ABHD16A: variants seen among roughly 807,000 people sequenced by gnomAD.
The protein encoded by ABHD16A is abhydrolase domain containing 16A, phospholipase, also known as phosphatidylserine lipase ABHD16A.
A neutral mutation model predicts 89.8 loss-of-function variants in ABHD16A; 47 were observed. The observed-to-expected ratio is 0.52, with a 90% CI of 0.41 to 0.67. ABHD16A has a LOEUF of 0.67. Among genes scored for constraint, ABHD16A ranks in the 30% least tolerant of loss-of-function variants. ABHD16A has a pLI of 0.00. For synonymous variants in ABHD16A, 251 were observed against 280.4 expected, an observed-to-expected ratio of 0.90 and a Z score of 1.05; for missense variants, 580 against 734.6, an observed-to-expected ratio of 0.79 and a Z score of 2.43.
intron 2 of ABHD16A, 87 bp downstream of exon 2, chr6:31,701,987 C>T: frequency 6.7e-7 from 1 of 1,490,436 alleles, no homozygotes. Flanking sequence ...CCCCAGGGCA[C>T]TGTTGCTCCC....
At chr6:31,694,898 A>G (rs1804249013) in intron 5 of ABHD16A, among the ~76,000 whole-genome samples, 1 of 152,248 alleles carries the variant, frequency 6.6e-6, no homozygotes, top group Non-Finnish European at 1.5e-5. Context: ...GGCTTTGCTC[A>G]GACCTGCTCT....
intron 5 of ABHD16A, among the ~76,000 whole-genome samples, chr6:31,694,393 T>TTTTTTTG (rs1804198323): frequency 7.4e-6 from 1 of 135,732 alleles, no homozygotes; most frequent in Non-Finnish European, 1.6e-5. Flanking sequence ...GTGTCTTTTT[T>TTTTTTTG]TTTTTTTTTT....
At chr6:31,697,083 A>T in intron 4 of ABHD16A, 50 bp from the exon 5 acceptor site, 1 of 1,542,462 alleles carries the variant, frequency 6.5e-7, no homozygotes, top group Non-Finnish European at 9.0e-7. Context: ...GGAAGCAGAA[A>T]GCCTAGGTTT....
chr6:31,692,855 T>C, intron 7 of ABHD16A, 172 bp downstream of exon 7: 1 of 902,584 alleles, frequency 1.1e-6, no homozygotes, highest in Non-Finnish European at 1.7e-6. Flanking sequence ...TGAGCCTCTT[T>C]TCTTCAAACA....
At chr6:31,702,745 T>C (rs2151261897) in intron 1 of ABHD16A, 2 of 1,530,122 alleles carry the variant, frequency 1.3e-6, no homozygotes, top group Non-Finnish European at 1.8e-6. Flanking sequence ...AAAGGGAAGA[T>C]AAAAACAGAG....
At position 31,691,634 on chromosome 6, in the gene ABHD16A, A is replaced by G; in HGVS notation, c.788T>C (p.Ile263Thr). The change falls in exon 9 of 20, where the codon ATT becomes ACT. Residue 263 changes from isoleucine to threonine, a missense_variant. By Grantham distance (89) the Ile-to-Thr change is moderately conservative. Transcript: ENST00000395952. ...CCGCCGGTCCACAAACATGGTGTCA[A>G]TCTCATTGCCATCACAGGCCAGCAG... ...AKLLACDGNEIDTMFVDRRGT... is the reference protein window; with the variant it reads ...AKLLACDGNETDTMFVDRRGT... The G allele has an allele frequency of 6.2e-7, 1 of 1,611,762 alleles. No homozygotes were observed. Among genetic ancestry groups the G allele is most frequent in the Non-Finnish European group, 8.5e-7 (1 of 1,179,906 alleles).
Position 31,697,031 on chromosome 6 carries a change from T to C in ABHD16A, c.346A>G (p.Ile116Val). Residue 116 changes from isoleucine to valine, a missense_variant and splice_region_variant, in exon 5 of 20, where the codon ATT becomes GTT. Ile to Val is a conservative substitution (Grantham distance 29). Coordinates refer to ENST00000395952, the MANE Select transcript of ABHD16A (RefSeq NM_021160.3). ...LLAGVACLRG[I>V]GRWTNPQYRQ... ...TACTGGGGGTTGGTCCAGCGGCCAA[T>C]GCCTGGTAGAAAAAGGACAGGAAAC... 1 of 1,612,740 alleles carries C rather than the reference T, an allele frequency of 6.2e-7. No homozygotes were observed. The highest frequency in any genetic ancestry group is 2.2e-5 in the East Asian group (1 of 44,886).
At position 31,689,558 on chromosome 6, in the gene ABHD16A, GGGGAT is replaced by G; in HGVS notation, c.1081+18_1081+22del. ...GGTGGTCATGAATGTGTCTACAGTG[GGGGAT>G]GGGAGGGAGGCTGGTACCAGTGAAG... On this transcript the variant is annotated intron_variant, in intron 12 of 19. Coordinates refer to ENST00000395952, the MANE Select transcript of ABHD16A (RefSeq NM_021160.3). The G allele has an allele frequency of 6.4e-7, 1 of 1,564,916 alleles. No individual in the cohort carries two copies. Among genetic ancestry groups the G allele is most frequent in the Non-Finnish European group, 8.7e-7 (1 of 1,155,340 alleles).
In ABHD16A at chr6:31,688,388, C is replaced by A; in HGVS notation, c.1251-83G>T. 1 of 1,364,600 alleles carries A rather than the reference C, an allele frequency of 7.3e-7. No individual in the cohort carries two copies. The highest frequency in any genetic ancestry group is 1.0e-6 in the Non-Finnish European group (1 of 958,032). 84.5% of individuals were successfully genotyped at this position (1,364,600 alleles called of 1,614,324 possible). On this transcript the variant is annotated intron_variant, in intron 14 of 19. Transcript: ENST00000395952. This position sits in a 1 kb window ranked among gnomAD's most constrained non-coding sequence, Gnocchi z 4.9. ...CCCACCCCTATCCCTGCACTGGTAG[C>A]ATTCTTACCCTCCCCTTGCTATAGC... is the stretch of plus-strand genomic sequence containing the variant.
At position 31,690,216 on chromosome 6, in the gene ABHD16A, A is replaced by G; in HGVS notation, c.908-89T>C. 1 of 1,282,988 alleles carries G rather than the reference A, an allele frequency of 7.8e-7. No homozygotes were observed. Among genetic ancestry groups the G allele is most frequent in the South Asian group, 1.5e-5 (1 of 68,110 alleles). 79.5% of individuals were successfully genotyped at this position (1,282,988 alleles called of 1,614,324 possible). On this transcript the variant is annotated intron_variant, in intron 10 of 19. Coordinates refer to ENST00000395952, the MANE Select transcript of ABHD16A (RefSeq NM_021160.3). The surrounding 1 kb of genome is among the most constrained non-coding windows in gnomAD (Gnocchi z 4.1). ...GGAAGGAAGAGCAGAAGTACCCCCC[A>G]GCTTAGATGCAAATAACTCCAAGCC...
chr6:31,691,560 G>T lies in ABHD16A; in HGVS notation c.843+19C>A. 6.2e-7 allele frequency: 1 copy of T among 1,611,514 alleles called. No homozygotes were observed. The highest frequency in any genetic ancestry group is 8.5e-7 in the Non-Finnish European group (1 of 1,179,022). ...TTCCTCACACTCACCCCACCTCTGGGCTCTCTGCTCCCTCTTACCAGCTTC... is the reference window on the plus strand; with the variant it reads ...TTCCTCACACTCACCCCACCTCTGGTCTCTCTGCTCCCTCTTACCAGCTTC... On this transcript the variant is annotated intron_variant, in intron 9 of 19. Transcript: ENST00000395952.
chr6:31,703,251 G>C lies in ABHD16A; in HGVS notation c.31C>G (p.Pro11Ala). Residue 11 changes from proline (P) to alanine (A), a missense_variant, in exon 1 of 20, where the codon CCC becomes GCC. Physicochemically the swap from Pro to Ala is conservative, Grantham distance 27. Transcript: ENST00000395952. The part of the protein sequence containing the change: MAKLLSCVLG[P>A]RLYKIYRERD... ...TCCCGGTAGATTTTGTAGAGCCGGG[G>C]GCCTAGGACGCAGCTCAGCAGCTTC... is the stretch of plus-strand genomic sequence containing the variant. 1 of 1,409,814 alleles carries C rather than the reference G, an allele frequency of 7.1e-7. No homozygotes were observed. Among genetic ancestry groups the C allele is most frequent in the Non-Finnish European group, 9.4e-7 (1 of 1,069,442 alleles). The allele number at this position is 1,409,814 out of a possible 1,614,324, so 87.3% of individuals were successfully genotyped here.
chr6:31,695,073 T>C (rs994722046), intron 5 of ABHD16A, among the ~76,000 whole-genome samples: 18 of 152,296 alleles, frequency 1.2e-4, no homozygotes, highest in African/African-American at 4.1e-4. Flanking sequence ...GCCAGTAGCA[T>C]AGTACAGGGC....
In ABHD16A at chr6:31,693,142, A is replaced by G. The variant is rs779504104; in HGVS notation, c.511T>C (p.Ser171Pro). 6.2e-7 allele frequency: 1 copy of G among 1,612,532 alleles called. No homozygotes were observed. Among genetic ancestry groups the G allele is most frequent in the Non-Finnish European group, 8.5e-7 (1 of 1,179,378 alleles). ...HWEEPSSRKE[S>P]RGGPSRRGVA... ...CCCCGGCGGGAAGGGCCCCCTCGAG[A>G]CTCCTTCCTGAGGAAGGGAAAGATG... Residue 171 changes from serine (S) to proline (P), a missense_variant, in exon 7 of 20, where the codon TCT becomes CCT. Physicochemically the swap from Ser to Pro is moderately conservative, Grantham distance 74. This residue lies in a region of ABHD16A where 415 missense variants were observed against 568.8 expected (regional missense o/e 0.73). Coordinates refer to ENST00000395952, the MANE Select transcript of ABHD16A (RefSeq NM_021160.3). The surrounding 1 kb of genome is among the most constrained non-coding windows in gnomAD (Gnocchi z 5.0).
chr6:31,702,558 A>G (rs1408846859), intron 1 of ABHD16A: 6 of 1,399,682 alleles, frequency 4.3e-6, no homozygotes, highest in Middle Eastern at 1.9e-4. Context: ...TGTAGGAGAC[A>G]GTAACACAAT....
Position 31,687,110 on chromosome 6 carries a change from CA to C in ABHD16A, c.*101del. ...AAGGGGGATGGTCCCCCACTTTCCA[CA>C]AACTATAAACAGCAACATGAACACA... On this transcript the variant is annotated 3_prime_UTR_variant, in exon 20 of 20. Transcript: ENST00000395952. The surrounding 1 kb of genome is among the most constrained non-coding windows in gnomAD (Gnocchi z 6.3). 3 of 1,205,404 alleles carry C rather than the reference CA, an allele frequency of 2.5e-6. No individual in the cohort carries two copies. The South Asian group carries it at 4.4e-5, about 18-fold the overall frequency. 74.7% of individuals were successfully genotyped at this position (1,205,404 alleles called of 1,614,324 possible).
rs1804620540 is a variant in ABHD16A, at chr6:31,698,652, A to AT, written c.344-1620dup. Among the ~76,000 whole-genome samples, 1 of 152,032 alleles carries AT rather than the reference A, an allele frequency of 6.6e-6. No homozygotes were observed. Among genetic ancestry groups the AT allele is most frequent in the South Asian group, 2.1e-4 (1 of 4,822 alleles). On this transcript the variant is annotated intron_variant, in intron 4 of 19. Coordinates refer to ENST00000395952, the MANE Select transcript of ABHD16A (RefSeq NM_021160.3). This position sits in a 1 kb window ranked among gnomAD's most constrained non-coding sequence, Gnocchi z 4.1. ...AAGCGCCCGCCACCATGCACAGCTAATTTTTTCTGTATTTTTTCTAAATTA... is the reference window on the plus strand; with the variant it reads ...AAGCGCCCGCCACCATGCACAGCTAATTTTTTTCTGTATTTTTTCTAAATTA...
At position 31,687,843 on chromosome 6, in the gene ABHD16A, G is replaced by A. The variant is rs756742841; in HGVS notation, c.1428C>T (p.Ala476=). ...TCTCACCTTCCTCCAGCTGTGAGGAGGCCTCCAACCACTGCCTCACCACTC... is the reference window on the plus strand; with the variant it reads ...TCTCACCTTCCTCCAGCTGTGAGGAAGCCTCCAACCACTGCCTCACCACTC... ...GLRVVRQWLE[A]SSQLEEASIY... Residue 476 remains alanine (A), a synonymous_variant, in exon 17 of 20, where the codon GCC becomes GCT. Transcript: ENST00000395952. This position sits in a 1 kb window ranked among gnomAD's most constrained non-coding sequence, Gnocchi z 6.3. 1.2e-6 allele frequency: 2 copies of A among 1,612,940 alleles called. No individual in the cohort carries two copies. The highest frequency in any genetic ancestry group is 2.2e-5 in the East Asian group (1 of 44,868).
At chr6:31,699,065 C>A (rs1041824052) in intron 4 of ABHD16A, among the ~76,000 whole-genome samples, 1 of 152,238 alleles carries the variant, frequency 6.6e-6, no homozygotes, top group African/African-American at 2.4e-5. Flanking sequence ...GGCTCTCCCC[C>A]ACTCTGTTCT....
Sources: allele counts gnomAD v4.1 joint callset (sites outside exome capture counted in the v4.1 genomes callset), GRCh38; gene constraint gnomAD v4.1.1; regional missense constraint gnomAD v4.1.1; non-coding constraint Gnocchi (gnomAD v3.1); transcripts MANE v1.5; gene names NCBI Gene and HGNC (gene_info 2026-07-23, HGNC 2026-07-21).